Variants in NSD2 observed in about 807,000 individuals in gnomAD.
NSD2 encodes the protein histone-lysine N-methyltransferase NSD2.
Under a neutral mutation model 139.0 loss-of-function variants are expected in NSD2, and 12 were observed. That is an observed-to-expected ratio of 0.09 (90% confidence interval 0.06 to 0.14). NSD2 has a LOEUF of 0.14. Ranked by LOEUF, NSD2 falls within the 10% of genes least tolerant of loss-of-function variation. NSD2 has a pLI of 1.00. For missense variants in NSD2, 1,155 were observed against 1,745.0 expected, an observed-to-expected ratio of 0.66 and a Z score of 6.02; for synonymous variants, 669 against 648.7, an observed-to-expected ratio of 1.03 and a Z score of -0.48.
chr4:1,926,388 C>T (rs1467621766), intron 5 of NSD2, among the ~76,000 whole-genome samples: 1 of 150,506 alleles, frequency 6.6e-6, no homozygotes, highest in Non-Finnish European at 1.5e-5. Flanking sequence ...CTCCTGACCT[C>T]GTGATCCGCC....
Position 1,913,820 on chromosome 4 carries a change from A to G in NSD2, c.761-3051A>G, listed in dbSNP as rs921639832. ...CCCTGTGCCCAGCTGTCTTTTCTTC[A>G]ATCTCTTTGTCTTGTGTCTTTATTT... On this transcript the variant is annotated intron_variant, in intron 3 of 21. Coordinates refer to ENST00000508803, the MANE Select transcript of NSD2 (RefSeq NM_001042424.3). 5.9e-5 allele frequency among the ~76,000 whole-genome samples: 9 copies of G among 151,732 alleles called. No individual in the cohort carries two copies. In the South Asian group the frequency reaches 6.3e-4, roughly 11 times the overall value.
chr4:1,873,640 T>C (rs1714033642), intron 1 of NSD2, among the ~76,000 whole-genome samples: 1 of 152,252 alleles, frequency 6.6e-6, no homozygotes, highest in Non-Finnish European at 1.5e-5. Context: ...CCTATTCAGA[T>C]TATCTTCTCC....
Position 1,972,556 on chromosome 4 carries a change from T to C in NSD2, c.3373-2307T>C, listed in dbSNP as rs1482670775. ...CCAGCGGGGCCCAAACCCAGGCGGA[T>C]GGCCAGGGGGAGTGGGGCCAAAGCC... On this transcript the variant is annotated intron_variant, in intron 18 of 21. Transcript: ENST00000508803. The surrounding 1 kb of genome is among the most constrained non-coding windows in gnomAD (Gnocchi z 4.0). 3.3e-5 allele frequency among the ~76,000 whole-genome samples: 5 copies of C among 152,270 alleles called. No individual in the cohort carries two copies. The highest frequency in any genetic ancestry group is 3.4e-3 in the Middle Eastern group (1 of 294).
chr4:1,928,986 C>T (rs372282432), intron 5 of NSD2, among the ~76,000 whole-genome samples: 1 of 151,948 alleles, frequency 6.6e-6, no homozygotes, highest in African/African-American at 2.4e-5. Flanking sequence ...GGGCTGGGGA[C>T]AGGGACCCCA....
chr4:1,940,144 T>G (rs975177324), intron 9 of NSD2: 1 of 1,137,284 alleles, frequency 8.8e-7, no homozygotes. Flanking sequence ...AAGGGCACAG[T>G]GTCAGTTGAG....
chr4:1,964,714 C>A (rs1725709702), intron 18 of NSD2, among the ~76,000 whole-genome samples: 1 of 152,144 alleles, frequency 6.6e-6, no homozygotes, highest in Admixed American at 6.5e-5. Context: ...ATTTAAAGGG[C>A]CAGCACCAAT....
chr4:1,877,672 C>G (rs147948605), intron 1 of NSD2, among the ~76,000 whole-genome samples: 2 of 152,280 alleles, frequency 1.3e-5, no homozygotes, highest in East Asian at 3.9e-4. Flanking sequence ...TCACCCACTC[C>G]CATTCTCATT....
chr4:1,947,880 ACT>A (rs1469504529), intron 9 of NSD2: 1 of 1,055,024 alleles, frequency 9.5e-7, no homozygotes, highest in African/African-American at 1.7e-5. Flanking sequence ...GTATGACGCC[ACT>A]CTGAAGAGTA....
intron 1 of NSD2, among the ~76,000 whole-genome samples, chr4:1,888,740 A>G (rs1183807020): frequency 1.3e-5 from 2 of 149,312 alleles, no homozygotes; most frequent in East Asian, 4.0e-4. Flanking sequence ...TAATTTTTGT[A>G]TTTTTAATAG....
intron 1 of NSD2, among the ~76,000 whole-genome samples, chr4:1,886,597 C>T (rs1215191136): frequency 5.3e-5 from 8 of 151,990 alleles, no homozygotes; most frequent in Non-Finnish European, 7.4e-5. Context: ...TTTGGGAGGC[C>T]GAGGCGGGCA....
intron 3 of NSD2, among the ~76,000 whole-genome samples, chr4:1,911,190 C>A (rs949345973): frequency 6.6e-6 from 1 of 152,012 alleles, no homozygotes; most frequent in Non-Finnish European, 1.5e-5. Flanking sequence ...AAATTAGGTA[C>A]CAGGACTGTT....
At position 1,979,140 on chromosome 4, in the gene NSD2, G is replaced by C; in HGVS notation, c.*231G>C. The C allele has an allele frequency of 4.5e-6, 2 of 447,882 alleles. No individual in the cohort carries two copies. The highest frequency in any genetic ancestry group is 7.0e-5 in the East Asian group (2 of 28,454). The allele number at this position is 447,882 out of a possible 1,614,324, so 27.7% of individuals were successfully genotyped here. On this transcript the variant is annotated 3_prime_UTR_variant, in exon 22 of 22. Coordinates refer to ENST00000508803, the MANE Select transcript of NSD2 (RefSeq NM_001042424.3). ...CCAGCTCAGCGTTCCTGGACAAACA[G>C]CCTCACTCCTCAGCGTTACCGCCAC... is the stretch of plus-strand genomic sequence containing the variant.
intron 5 of NSD2, among the ~76,000 whole-genome samples, chr4:1,925,555 C>T (rs928218096): frequency 6.6e-6 from 1 of 150,982 alleles, no homozygotes; most frequent in African/African-American, 2.4e-5. Flanking sequence ...CATGCCACCA[C>T]ATCCGGCTAA....
intron 3 of NSD2, among the ~76,000 whole-genome samples, chr4:1,915,592 C>T (rs2108796262): frequency 1.3e-5 from 2 of 152,284 alleles, no homozygotes; most frequent in South Asian, 4.1e-4. Context: ...ATACTGGATG[C>T]TTCCCTGGGT....
chr4:1,872,635 A>AGAGAGAGAGC (rs1179623184), intron 1 of NSD2, among the ~76,000 whole-genome samples: 27 of 120,194 alleles, frequency 2.2e-4, no homozygotes, highest in South Asian at 8.4e-4. Flanking sequence ...AGAGAGAGAG[A>AGAGAGAGAGC]GCGCGCAGAC....
intron 1 of NSD2, among the ~76,000 whole-genome samples, chr4:1,871,832 G>T (rs1281790846): frequency 6.7e-6 from 1 of 148,976 alleles, no homozygotes; most frequent in African/African-American, 2.4e-5. Context: ...AGTCCGGGCA[G>T]GGGAGGGGCG....
intron 9 of NSD2, chr4:1,940,479 CAAAT>C: frequency 1.9e-6 from 2 of 1,064,044 alleles, no homozygotes; most frequent in Non-Finnish European, 2.3e-6. Flanking sequence ...CCAAAAACAA[CAAAT>C]AGCCACAGAA....
intron 18 of NSD2, among the ~76,000 whole-genome samples, chr4:1,961,744 G>T (rs1300091471): frequency 6.6e-6 from 1 of 152,246 alleles, no homozygotes; most frequent in Non-Finnish European, 1.5e-5. Flanking sequence ...GACAGGTGTT[G>T]CCGGGCCCTT....
At chr4:1,881,007 C>G (rs1426451143) in intron 1 of NSD2, among the ~76,000 whole-genome samples, 1 of 152,160 alleles carries the variant, frequency 6.6e-6, no homozygotes, top group East Asian at 1.9e-4. Flanking sequence ...GAGGTGCATA[C>G]AGACATTTAC....
Sources: gnomAD v4.1 joint callset for allele counts (sites outside exome capture counted in the v4.1 genomes callset) on GRCh38, gnomAD v4.1.1 for gene constraint, Gnocchi (gnomAD v3.1) non-coding constraint, MANE v1.5 for transcripts, NCBI Gene and HGNC (gene_info 2026-07-23, HGNC 2026-07-21) for gene names.